LYRM4: variants seen among roughly 807,000 people sequenced by gnomAD.
LYRM4 encodes the protein LYR motif containing 4, also known as LYR motif-containing protein 4.
In LYRM4, 9 loss-of-function variants were observed where a neutral mutation model predicts 11.7. The observed-to-expected ratio is 0.77, with a 90% CI of 0.46 to 1.34. The LOEUF (loss-of-function observed/expected upper bound fraction) is 1.34, where lower values mean the gene tolerates loss of function less well. Among genes scored for constraint, LYRM4 ranks in the 40% most tolerant of loss-of-function variants. The pLI is 0.00. For synonymous variants in LYRM4, 42 were observed against 40.4 expected, an observed-to-expected ratio of 1.04 and a Z score of -0.15; for missense variants, 133 against 112.5, an observed-to-expected ratio of 1.18 and a Z score of -0.82.
intron 1 of LYRM4, among the ~76,000 whole-genome samples, chr6:5,242,931 G>A (rs2773306): frequency 0.28 from 41,699 of 149,248 alleles, 7,090 homozygotes; most frequent in African/African-American, 0.5. Flanking sequence ...CCGCCACCGC[G>A]CCCGGCTAAT....
chr6:5,086,710 C>A, the LYRM4 span: 2 of 676,602 alleles, frequency 3.0e-6, no homozygotes, highest in Non-Finnish European at 4.9e-6. Context: ...AGACTTTGAA[C>A]CGTCGACTCG....
the LYRM4 span, chr6:5,033,840 T>G: frequency 6.6e-6 from 1 of 152,276 alleles, no homozygotes; most frequent in East Asian, 1.9e-4. Context: ...TAAAATGTGT[T>G]TGTAAACCAA....
At chr6:5,101,082 C>G (rs149772144), downstream of LYRM4, among the ~76,000 whole-genome samples, 1 of 152,172 alleles carries the variant, frequency 6.6e-6, no homozygotes, top group East Asian at 1.9e-4. Context: ...ACATCGCTGC[C>G]GTACATCGCT....
chr6:5,072,233 G>A, the LYRM4 span, among the ~76,000 whole-genome samples: 3 of 152,104 alleles, frequency 2.0e-5, no homozygotes, highest in Non-Finnish European at 2.9e-5. Flanking sequence ...TCATTGATGG[G>A]CATTTAGGTT....
At chr6:5,117,967 T>A (rs1763200975) in intron 2 of LYRM4, among the ~76,000 whole-genome samples, 1 of 151,906 alleles carries the variant, frequency 6.6e-6, no homozygotes, top group Non-Finnish European at 1.5e-5. Context: ...TTGAGTACCT[T>A]CTGATACACC....
At chr6:5,175,877 T>C (rs1167616815) in intron 2 of LYRM4, among the ~76,000 whole-genome samples, 3 of 152,122 alleles carry the variant, frequency 2.0e-5, no homozygotes, top group Non-Finnish European at 4.4e-5. Flanking sequence ...ACAGACATTC[T>C]GCTCTACAGC....
intron 1 of LYRM4, among the ~76,000 whole-genome samples, chr6:5,246,869 A>G (rs959147333): frequency 6.6e-6 from 1 of 152,116 alleles, no homozygotes. Context: ...GGGAGTAAAC[A>G]CAGAGGTGGC....
chr6:5,060,056 G>T, the LYRM4 span, among the ~76,000 whole-genome samples: 1 of 152,186 alleles, frequency 6.6e-6, no homozygotes, highest in Non-Finnish European at 1.5e-5. Context: ...AAATCTGGAT[G>T]TCCCATAATA....
intron 2 of LYRM4, among the ~76,000 whole-genome samples, chr6:5,159,579 A>G (rs1269726423): frequency 6.6e-6 from 1 of 152,186 alleles, no homozygotes; most frequent in African/African-American, 2.4e-5. Context: ...CATGGCTACT[A>G]TCCAAGCCCA....
At chr6:5,058,337 C>T in the LYRM4 span, among the ~76,000 whole-genome samples, 14 of 152,300 alleles carry the variant, frequency 9.2e-5, no homozygotes, top group African/African-American at 3.4e-4. Context: ...TGAGTGCTGC[C>T]TGCTTTCTCA....
downstream of LYRM4, chr6:5,107,909 G>A (rs1762710972): frequency 6.6e-6 from 1 of 152,222 alleles, no homozygotes; most frequent in Non-Finnish European, 1.5e-5. Flanking sequence ...GGGAGGCTGA[G>A]GCAGGAGAAT....
chr6:5,102,200 G>A (rs182176290), downstream of LYRM4, among the ~76,000 whole-genome samples: 7 of 151,906 alleles, frequency 4.6e-5, no homozygotes, highest in African/African-American at 1.7e-4. Flanking sequence ...ACAAGGAAGT[G>A]TTGGTTATGT....
chr6:5,111,337 A>C (rs1473890613), intron 2 of LYRM4, among the ~76,000 whole-genome samples: 2 of 152,202 alleles, frequency 1.3e-5, no homozygotes, highest in African/African-American at 4.8e-5. Flanking sequence ...ATCTCAGGGG[A>C]TTCACCAGGA....
intron 2 of LYRM4, among the ~76,000 whole-genome samples, chr6:5,164,977 A>AAG (rs1264972897): frequency 2.0e-5 from 3 of 151,752 alleles, no homozygotes; most frequent in Non-Finnish European, 2.9e-5. Flanking sequence ...CAAAAAAAAA[A>AAG]AAAAAAAAAA....
rs771085876 is a variant in LYRM4 at position 5,108,924 on chromosome 6, C to G, written c.*499G>C. 5.5e-4 allele frequency: 543 copies of G among 995,624 alleles called. No homozygotes were observed. The highest frequency in any genetic ancestry group is 6.2e-4 in the Non-Finnish European group (521 of 835,272). The allele number at this position is 995,624 out of a possible 1,614,324, so 61.7% of individuals were successfully genotyped here. On this transcript the variant is annotated 3_prime_UTR_variant, in exon 3 of 3. Transcript: ENST00000330636. The stretch of plus-strand genomic sequence containing the variant: ...CCCTACTCCATGCTGCCCCCAGTCT[C>G]AAGTGGTGCTTGAACTTGCCTTCAC...
intron 2 of LYRM4, among the ~76,000 whole-genome samples, chr6:5,203,561 A>C (rs1761514484): frequency 6.6e-6 from 1 of 152,206 alleles, no homozygotes; most frequent in African/African-American, 2.4e-5. Context: ...AATATGGAAG[A>C]TTACATGGAC....
the LYRM4 span, among the ~76,000 whole-genome samples, chr6:5,093,726 G>C: frequency 6.6e-6 from 1 of 152,260 alleles, no homozygotes; most frequent in Non-Finnish European, 1.5e-5. Context: ...GGATGCCTGT[G>C]GTCCATTAAC....
At chr6:5,158,463 T>C (rs1361835451) in intron 2 of LYRM4, among the ~76,000 whole-genome samples, 1 of 149,044 alleles carries the variant, frequency 6.7e-6, no homozygotes, top group Non-Finnish European at 1.5e-5. Flanking sequence ...TTTATTTCTC[T>C]GGTCTCCACG....
the LYRM4 span, among the ~76,000 whole-genome samples, chr6:5,083,915 C>T: frequency 1.3e-5 from 2 of 152,182 alleles, no homozygotes; most frequent in Non-Finnish European, 2.9e-5. Context: ...TCCCCAGAGC[C>T]CAGCATCAGC....
Sources: gnomAD v4.1 joint callset for allele counts (sites outside exome capture counted in the v4.1 genomes callset) on GRCh38, gnomAD v4.1.1 for gene constraint, MANE v1.5 for transcripts, NCBI Gene and HGNC (gene_info 2026-07-23, HGNC 2026-07-21) for gene names.